Variants in SUGCT observed in about 807,000 individuals in gnomAD.
SUGCT encodes succinyl-CoA:glutarate CoA-transferase.
In SUGCT, 41 loss-of-function variants were observed where a neutral mutation model predicts 55.0. The observed-to-expected ratio is 0.74, with a 90% CI of 0.58 to 0.97. SUGCT has a LOEUF of 0.97. Among genes scored for constraint, SUGCT ranks in the 50% least tolerant of loss-of-function variants. SUGCT has a pLI of 0.00. For missense variants in SUGCT, 568 were observed against 547.8 expected, an observed-to-expected ratio of 1.04 and a Z score of -0.37; for synonymous variants, 187 against 200.4, an observed-to-expected ratio of 0.93 and a Z score of 0.56.
At chr7:40,956,946 C>T in the SUGCT span, among the ~76,000 whole-genome samples, 3 of 151,954 alleles carry the variant, frequency 2.0e-5, no homozygotes, top group Non-Finnish European at 4.4e-5. Flanking sequence ...GTTTCTTAAT[C>T]CTGAGTGCTA....
chr7:40,881,347 C>T, the SUGCT span, among the ~76,000 whole-genome samples: 1 of 152,176 alleles, frequency 6.6e-6, no homozygotes, highest in Non-Finnish European at 1.5e-5. Context: ...TCCTCTTCTT[C>T]ATATTTGTGT....
At chr7:40,758,561 A>G (rs1449341859) in intron 13 of SUGCT, among the ~76,000 whole-genome samples, 2 of 152,076 alleles carry the variant, frequency 1.3e-5, no homozygotes, top group African/African-American at 4.8e-5. Context: ...TCATCCCCAA[A>G]CCTTCAGGAT....
chr7:40,370,671 A>G (rs904510008), intron 9 of SUGCT, among the ~76,000 whole-genome samples: 29 of 151,794 alleles, frequency 1.9e-4, no homozygotes, highest in African/African-American at 6.8e-4. Context: ...ACAGAGAGAC[A>G]TTTAAATGTT....
At chr7:40,306,043 G>T (rs543770709) in intron 8 of SUGCT, among the ~76,000 whole-genome samples, 6 of 152,146 alleles carry the variant, frequency 3.9e-5, no homozygotes, top group African/African-American at 1.4e-4. Context: ...GCTATGGTCT[G>T]GTATCTCTCC....
the SUGCT span, among the ~76,000 whole-genome samples, chr7:41,026,118 C>T: frequency 1.2e-3 from 182 of 152,324 alleles, 1 homozygote; most frequent in East Asian, 0.023. Flanking sequence ...CTTGGTCTTA[C>T]GTTGCCTCCT....
At chr7:40,298,913 CT>C (rs1306887553) in intron 8 of SUGCT, among the ~76,000 whole-genome samples, 2 of 152,024 alleles carry the variant, frequency 1.3e-5, no homozygotes, top group Non-Finnish European at 2.9e-5. Flanking sequence ...ATTATCTTCT[CT>C]TTTAAAAAAT....
intron 12 of SUGCT, among the ~76,000 whole-genome samples, chr7:40,749,025 C>T (rs931649876): frequency 2.0e-5 from 3 of 152,188 alleles, no homozygotes; most frequent in African/African-American, 4.8e-5. Context: ...ATGTGTACCA[C>T]CCCAGTGTGC....
At chr7:40,213,189 T>G (rs1433233845) in intron 6 of SUGCT, among the ~76,000 whole-genome samples, 1 of 152,206 alleles carries the variant, frequency 6.6e-6, no homozygotes, top group East Asian at 1.9e-4. Context: ...TTTGACCAAC[T>G]TTTCCACTTA....
intron 12 of SUGCT, among the ~76,000 whole-genome samples, chr7:40,684,762 A>T (rs1218882427): frequency 6.6e-6 from 1 of 152,212 alleles, no homozygotes; most frequent in Non-Finnish European, 1.5e-5. Flanking sequence ...ATAAGTAGCT[A>T]ATATTTACAT....
At chr7:40,952,044 G>C in the SUGCT span, among the ~76,000 whole-genome samples, 2 of 152,056 alleles carry the variant, frequency 1.3e-5, no homozygotes, top group Admixed American at 1.3e-4. Flanking sequence ...TCTAATGTTG[G>C]CAGTGGGGTG....
chr7:40,764,741 T>G (rs1409621813), intron 13 of SUGCT, among the ~76,000 whole-genome samples: 2 of 152,222 alleles, frequency 1.3e-5, no homozygotes, highest in African/African-American at 4.8e-5. Flanking sequence ...GAGTTTTCCC[T>G]GTCAACCTTC....
the SUGCT span, among the ~76,000 whole-genome samples, chr7:40,982,317 TTGAACATA>T: frequency 6.6e-6 from 1 of 152,226 alleles, no homozygotes; most frequent in Non-Finnish European, 1.5e-5. Flanking sequence ...TGTCTTAGTC[TTGAACATA>T]TTATCCTAGG....
intron 5 of SUGCT, among the ~76,000 whole-genome samples, chr7:40,193,844 GC>G (rs760810527): frequency 6.6e-6 from 1 of 151,932 alleles, no homozygotes. Context: ...CAAATGATCT[GC>G]CCCCCTCGGC....
chr7:40,867,381 G>A, the SUGCT span, among the ~76,000 whole-genome samples: 2 of 151,666 alleles, frequency 1.3e-5, no homozygotes, highest in African/African-American at 4.8e-5. Flanking sequence ...GAGAGAGAGA[G>A]AGCATCTCTT....
At chr7:40,242,994 G>T (rs115570585) in intron 7 of SUGCT, among the ~76,000 whole-genome samples, 1 of 117,916 alleles carries the variant, frequency 8.5e-6, no homozygotes, top group African/African-American at 3.3e-5. Flanking sequence ...GCCCAGGCTG[G>T]TGTAATCATG....
chr7:40,293,759 T>TA (rs1358908553), intron 8 of SUGCT, among the ~76,000 whole-genome samples: 1 of 152,220 alleles, frequency 6.6e-6, no homozygotes, highest in Non-Finnish European at 1.5e-5. Flanking sequence ...GTTCCACTAA[T>TA]ACTATCATTT....
At chr7:40,551,458 T>C (rs1795294560) in intron 12 of SUGCT, among the ~76,000 whole-genome samples, 1 of 152,210 alleles carries the variant, frequency 6.6e-6, no homozygotes, top group South Asian at 2.1e-4. Context: ...TTTCAAAGTT[T>C]GTAAACAGAG....
At chr7:40,379,725 C>T (rs1405317254) in intron 9 of SUGCT, among the ~76,000 whole-genome samples, 1 of 152,174 alleles carries the variant, frequency 6.6e-6, no homozygotes, top group African/African-American at 2.4e-5. Flanking sequence ...AGTCCATTGA[C>T]TCTTCTGCCT....
chr7:40,690,738 G>A (rs1445118279), intron 12 of SUGCT, among the ~76,000 whole-genome samples: 1 of 151,934 alleles, frequency 6.6e-6, no homozygotes, highest in African/African-American at 2.4e-5. Context: ...CTGACTGCCT[G>A]ACTAATTTTT....
Sources: allele counts gnomAD v4.1 joint callset (sites outside exome capture counted in the v4.1 genomes callset), GRCh38; gene constraint gnomAD v4.1.1; transcripts MANE v1.5; gene names NCBI Gene and HGNC (gene_info 2026-07-23, HGNC 2026-07-21).